VPS13B: variants seen among roughly 807,000 people sequenced by gnomAD.
The protein encoded by VPS13B is intermembrane lipid transfer protein VPS13B.
Under a neutral mutation model 426.4 loss-of-function variants are expected in VPS13B, and 285 were observed. The ratio of observed to expected loss-of-function variants is 0.67; its 90% CI spans 0.61 to 0.74. The LOEUF is 0.74. VPS13B is among the 30% of genes least tolerant of loss of function. The pLI, the probability that VPS13B is intolerant of heterozygous loss-of-function variation, is 0.00. For synonymous variants in VPS13B, 1,676 were observed against 1,676.4 expected (o/e 1.00, Z 0.01); for missense variants, 4,537 against 4,782.6 (o/e 0.95, Z 1.51).
At chr8:99,527,552 A>G (rs747594852) in intron 30 of VPS13B, among the ~76,000 whole-genome samples, 3 of 152,090 alleles carry the variant, frequency 2.0e-5, no homozygotes, top group African/African-American at 7.2e-5. Flanking sequence ...GTGTTCAACC[A>G]TATCCCTGAT....
intron 17 of VPS13B, among the ~76,000 whole-genome samples, chr8:99,201,581 C>T (rs940886612): frequency 2.0e-5 from 3 of 152,034 alleles, no homozygotes; most frequent in African/African-American, 7.2e-5. Context: ...GTTTAAGAGG[C>T]TTTAAGAGAA....
At chr8:99,771,404 A>C (rs1811479322) in intron 40 of VPS13B, among the ~76,000 whole-genome samples, 1 of 151,678 alleles carries the variant, frequency 6.6e-6, no homozygotes, top group Non-Finnish European at 1.5e-5. Flanking sequence ...TCTTCATGTG[A>C]TAAAAATTAA....
chr8:99,204,163 A>G (rs1814535262), intron 17 of VPS13B, among the ~76,000 whole-genome samples: 1 of 152,242 alleles, frequency 6.6e-6, no homozygotes, highest in Admixed American at 6.5e-5. Context: ...AAACAGATAT[A>G]TAGAACAATG....
At chr8:99,046,060 AT>A (rs922487952) in intron 3 of VPS13B, among the ~76,000 whole-genome samples, 2 of 151,734 alleles carry the variant, frequency 1.3e-5, no homozygotes, top group East Asian at 1.9e-4. Context: ...GAATTTTAGG[AT>A]TTTTTTCTAG....
rs1291408660 is a variant in VPS13B, at chr8:99,042,307, A to C, written c.291+3741A>C. ...AACTTCTTTTAAAATCATTTTTGCA[A>C]GTTTCATTTTATTTCTTTACTGTCA... On this transcript the variant is annotated intron_variant, in intron 3 of 61. Coordinates refer to ENST00000357162, the MANE Select transcript of VPS13B (RefSeq NM_152564.5). Among the ~76,000 whole-genome samples, 6 of 151,946 alleles carry C rather than the reference A, an allele frequency of 3.9e-5. No individual in the cohort carries two copies. In the East Asian group the frequency reaches 1.2e-3, roughly 29 times the overall value.
At position 99,747,024 on chromosome 8, in the gene VPS13B, G is replaced by A. The variant is rs147621504; in HGVS notation, c.7051-19750G>A. 3.8e-3 allele frequency among the ~76,000 whole-genome samples: 579 copies of A among 152,184 alleles called. 6 individuals carry two copies. Among genetic ancestry groups the A allele is most frequent in the African/African-American group, 0.012 (514 of 41,546 alleles). On this transcript the variant is annotated intron_variant, in intron 39 of 61. Coordinates refer to ENST00000357162, the MANE Select transcript of VPS13B (RefSeq NM_152564.5). Reference sequence around the variant, plus strand: ...CTGTATCACAAAGCATTTTCTATAAGTCTTTAAACATCATTTGTTTTCAAG... The same window carrying A: ...CTGTATCACAAAGCATTTTCTATAAATCTTTAAACATCATTTGTTTTCAAG...
At chr8:99,642,603 C>G in intron 34 of VPS13B, 105 bp downstream of exon 34, 2 of 990,616 alleles carry the variant, frequency 2.0e-6, no homozygotes, top group Admixed American at 4.5e-5. Flanking sequence ...AGACAAAAGT[C>G]TTTTCTCTAC....
intron 33 of VPS13B, among the ~76,000 whole-genome samples, chr8:99,578,232 A>G (rs1052978224): frequency 4.6e-5 from 7 of 152,152 alleles, no homozygotes; most frequent in Non-Finnish European, 8.8e-5. Flanking sequence ...TTGTTTCCAC[A>G]TTTCTCTAAC....
chr8:99,048,926 T>TC (rs1447992122), intron 3 of VPS13B, among the ~76,000 whole-genome samples: 1 of 152,242 alleles, frequency 6.6e-6, no homozygotes, highest in Non-Finnish European at 1.5e-5. Flanking sequence ...TCCCTCTTTG[T>TC]CTTTTTTAAC....
chr8:99,379,210 C>T (rs760676098), intron 19 of VPS13B, among the ~76,000 whole-genome samples: 11 of 152,156 alleles, frequency 7.2e-5, no homozygotes, highest in East Asian at 3.8e-4. Context: ...CCCCCAAATC[C>T]GTGGAAAAAT....
At chr8:99,586,811 T>C (rs1317747454) in intron 33 of VPS13B, among the ~76,000 whole-genome samples, 1 of 152,184 alleles carries the variant, frequency 6.6e-6, no homozygotes, top group Non-Finnish European at 1.5e-5. Context: ...ATTGACACTC[T>C]TCCCAGAATT....
At chr8:99,026,204 C>G (rs768914779) in intron 2 of VPS13B, among the ~76,000 whole-genome samples, 2 of 152,066 alleles carry the variant, frequency 1.3e-5, no homozygotes, top group Non-Finnish European at 2.9e-5. Context: ...TTTCTATTTT[C>G]ATTTGTTTCA....
chr8:99,484,153 C>G (rs915271662), intron 25 of VPS13B, among the ~76,000 whole-genome samples: 2 of 151,754 alleles, frequency 1.3e-5, no homozygotes, highest in African/African-American at 4.8e-5. Context: ...CTTCATCAGC[C>G]AAAGTGAAGA....
intron 19 of VPS13B, among the ~76,000 whole-genome samples, chr8:99,374,384 T>C (rs1260436646): frequency 6.6e-6 from 1 of 152,064 alleles, no homozygotes; most frequent in African/African-American, 2.4e-5. Context: ...TTTTATACTT[T>C]CTCTCTGCTA....
intron 2 of VPS13B, among the ~76,000 whole-genome samples, chr8:99,035,795 A>G (rs570373325): frequency 1.3e-3 from 199 of 152,330 alleles, no homozygotes; most frequent in African/African-American, 4.3e-3. Flanking sequence ...CTAAGAGTGT[A>G]TAAGTATTCC....
chr8:99,407,832 A>G (rs1337498853), intron 21 of VPS13B, among the ~76,000 whole-genome samples: 1 of 152,198 alleles, frequency 6.6e-6, no homozygotes, highest in Non-Finnish European at 1.5e-5. Flanking sequence ...ATGCAATGTA[A>G]TAAGATTCAG....
intron 15 of VPS13B, among the ~76,000 whole-genome samples, chr8:99,167,556 A>T (rs944695006): frequency 4.6e-5 from 7 of 152,050 alleles, no homozygotes; most frequent in African/African-American, 1.7e-4. Context: ...AAAATAGCAA[A>T]TTCTAATTTA....
rs373595694 is a variant in VPS13B at position 99,661,409 on chromosome 8, A to G, written c.5964A>G (p.Thr1988=). Residue 1988 remains threonine (T), a synonymous_variant, in exon 35 of 62, where the codon ACA becomes ACG. Coordinates refer to ENST00000357162, the MANE Select transcript of VPS13B (RefSeq NM_152564.5). ...ALDYCTVWLQ[T]VPGEIDSKSG... The stretch of plus-strand genomic sequence containing the variant: ...ATTATTGCACTGTTTGGCTACAGAC[A>G]GTGCCTGGAGAAATAGACAGCAAAA... 2 of 1,613,722 alleles carry G rather than the reference A, an allele frequency of 1.2e-6. No individual in the cohort carries two copies. Among genetic ancestry groups the G allele is most frequent in the Non-Finnish European group, 1.7e-6 (2 of 1,179,866 alleles).
chr8:99,141,603 T>C (rs1461538538), intron 12 of VPS13B, among the ~76,000 whole-genome samples: 5 of 152,214 alleles, frequency 3.3e-5, no homozygotes, highest in Non-Finnish European at 4.4e-5. Flanking sequence ...GTATTAATCA[T>C]ACATCTTACA....
Sources: allele counts gnomAD v4.1 joint callset (sites outside exome capture counted in the v4.1 genomes callset), GRCh38; gene constraint gnomAD v4.1.1; transcripts MANE v1.5; gene names NCBI Gene and HGNC (gene_info 2026-07-23, HGNC 2026-07-21).